The following NIPBL variants were observed in gnomAD, a reference collection of about 807,000 sequenced individuals.
NIPBL encodes the protein NIPBL cohesin loading factor, also known as nipped-B-like protein.
In NIPBL, 19 loss-of-function variants were observed where a neutral mutation model predicts 321.8. That is an observed-to-expected ratio of 0.06 (90% CI 0.04 to 0.09). The LOEUF (loss-of-function observed/expected upper bound fraction) is 0.09. Ranked by LOEUF, NIPBL falls within the 10% of genes least tolerant of loss-of-function variation. The pLI, the probability that NIPBL is intolerant of heterozygous loss-of-function variation, is 1.00. For missense variants in NIPBL, 2,210 were observed against 3,327.0 expected (o/e 0.66, Z 8.26); for synonymous variants, 1,106 against 1,114.1 (o/e 0.99, Z 0.14).
intron 18 of NIPBL, 68 bp downstream of exon 18, chr5:37,007,542 C>A: frequency 1.8e-6 from 2 of 1,109,204 alleles, no homozygotes; most frequent in Non-Finnish European, 2.7e-6. Context: ...TAACCTAGCT[C>A]ACTCAATAAT....
intron 1 of NIPBL, chr5:36,886,003 A>T (rs1355139752): frequency 2.8e-6 from 2 of 722,564 alleles, no homozygotes; most frequent in Non-Finnish European, 5.1e-6. Flanking sequence ...AAGAGGAGCT[A>T]GACAAGTACT....
intron 9 of NIPBL, among the ~76,000 whole-genome samples, chr5:36,981,808 G>A (rs893217837): frequency 6.6e-6 from 1 of 151,666 alleles, no homozygotes; most frequent in South Asian, 2.1e-4. Context: ...CAATATTCTT[G>A]CACTATAGCC....
intron 19 of NIPBL, 62 bp downstream of exon 19, chr5:37,008,150 A>G: frequency 8.7e-7 from 1 of 1,144,386 alleles, no homozygotes; most frequent in Non-Finnish European, 1.3e-6. Flanking sequence ...GATGTCATTT[A>G]ATCCAAATTT....
chr5:36,892,868 A>T (rs553304505), intron 1 of NIPBL, among the ~76,000 whole-genome samples: 1 of 152,178 alleles, frequency 6.6e-6, no homozygotes, highest in Non-Finnish European at 1.5e-5. Context: ...CAGCACACCA[A>T]CATGGCACAT....
intron 9 of NIPBL, among the ~76,000 whole-genome samples, chr5:36,979,174 G>A (rs2149633844): frequency 6.6e-6 from 1 of 151,938 alleles, no homozygotes; most frequent in South Asian, 2.1e-4. Flanking sequence ...AGATTACTTT[G>A]GGCAGTATAG....
chr5:37,003,418 C>A lies in NIPBL; in HGVS notation c.3855+71C>A, dbSNP rs1317766597. 3 of 864,370 alleles carry A rather than the reference C, an allele frequency of 3.5e-6. No homozygotes were observed. The East Asian group carries it at 7.4e-5, about 21-fold the overall frequency. 53.5% of individuals were successfully genotyped at this position (864,370 alleles called of 1,614,324 possible). A position where few individuals can be genotyped will look rare whatever the true frequency, so the allele number is the denominator to read the frequency against. On this transcript the variant is annotated intron_variant, in intron 16 of 46. Coordinates refer to ENST00000282516, the MANE Select transcript of NIPBL (RefSeq NM_133433.4). ...AGATCTATAGTAGTCCCCCACTTCT[C>A]TATTGTTTCATTTTCCATTTTCTCA...
chr5:37,026,187 A>G (rs763486592), intron 30 of NIPBL, 42 bp from the exon 31 acceptor site: 1 of 1,169,348 alleles, frequency 8.6e-7, no homozygotes, highest in Non-Finnish European at 1.3e-6. Context: ...AAATTGCCGT[A>G]TTTGTTATAA....
At chr5:37,061,523 C>T (rs1030406096) in intron 45 of NIPBL, among the ~76,000 whole-genome samples, 1 of 151,946 alleles carries the variant, frequency 6.6e-6, no homozygotes, top group African/African-American at 2.4e-5. Flanking sequence ...ATAAAAAATA[C>T]AAAAAATTAC....
intron 42 of NIPBL, among the ~76,000 whole-genome samples, chr5:37,056,974 C>T (rs1218459751): frequency 1.3e-5 from 2 of 151,622 alleles, no homozygotes; most frequent in East Asian, 3.9e-4. Context: ...TTACACCTGT[C>T]TCCCTTTCCC....
rs141528632 is a variant in NIPBL at position 36,940,248 on chromosome 5, T to G, written c.-79-13370T>G. On this transcript the variant is annotated intron_variant, in intron 1 of 46. Transcript: ENST00000282516. ...CTTGTGTGAAAAGAGAGAAATGGAT[T>G]CAAAACTAAGCAATTTTTAAGTGTG... Among the ~76,000 whole-genome samples, 196 of 152,290 alleles carry G rather than the reference T, an allele frequency of 1.3e-3. 2 individuals carry two copies. The highest frequency in any genetic ancestry group is 7.3e-3 in the East Asian group (38 of 5,180).
rs775286122 is a variant in NIPBL at position 37,038,748 on chromosome 5, G to A, written c.6108+10G>A. Reference sequence around the variant, plus strand: ...TACCACTAAATGTAGTGTAAGTATAGAGCTGTCTTATTCTTGTATCTTACA... The same window carrying A: ...TACCACTAAATGTAGTGTAAGTATAAAGCTGTCTTATTCTTGTATCTTACA... On this transcript the variant is annotated intron_variant, in intron 34 of 46. Transcript: ENST00000282516. The A allele has an allele frequency of 5.0e-6, 8 of 1,612,080 alleles. No homozygotes were observed. In the East Asian group the frequency reaches 1.8e-4, roughly 36 times the overall value.
chr5:36,891,413 G>A (rs1360644817), intron 1 of NIPBL, among the ~76,000 whole-genome samples: 1 of 152,202 alleles, frequency 6.6e-6, no homozygotes, highest in Admixed American at 6.5e-5. Flanking sequence ...ACTGGTGGTA[G>A]GGGTGGTCAC....
chr5:37,060,651 A>T (rs1754569820), intron 44 of NIPBL, among the ~76,000 whole-genome samples, 193 bp from the exon 45 acceptor site: 1 of 152,200 alleles, frequency 6.6e-6, no homozygotes, highest in African/African-American at 2.4e-5. Context: ...TGGGGGAGCA[A>T]CTAGTAGAAA....
At chr5:37,013,811 C>G (rs1748558663) in intron 21 of NIPBL, among the ~76,000 whole-genome samples, 1 of 152,230 alleles carries the variant, frequency 6.6e-6, no homozygotes, top group South Asian at 2.1e-4. Flanking sequence ...GGGTTGGCGG[C>G]CGGGCAGAGG....
chr5:37,052,617 A>G (rs1301040395), intron 42 of NIPBL, 51 bp downstream of exon 42: 2 of 1,403,640 alleles, frequency 1.4e-6, no homozygotes, highest in Non-Finnish European at 2.0e-6. Context: ...TAGAAATTTT[A>G]TGGATAAAGT....
intron 1 of NIPBL, among the ~76,000 whole-genome samples, chr5:36,952,062 G>A (rs1191980520): frequency 6.8e-5 from 9 of 132,186 alleles, no homozygotes; most frequent in South Asian, 2.4e-4. Flanking sequence ...GTGCGCGCGC[G>A]CGCGCGCGCG....
chr5:36,990,657 A>T (rs1415629112), intron 10 of NIPBL, among the ~76,000 whole-genome samples: 1 of 152,194 alleles, frequency 6.6e-6, no homozygotes, highest in Non-Finnish European at 1.5e-5. Context: ...AGCTCTTGTG[A>T]CTTTAGAGCA....
At position 36,971,795 on chromosome 5, in the gene NIPBL, A is replaced by G; in HGVS notation, c.772-150A>G. ...AATTTCAATTCTTCTAAGATATACCAAGAAGAAAACAGGAAAGTGCAGAAG... is the reference window on the plus strand; with the variant it reads ...AATTTCAATTCTTCTAAGATATACCGAGAAGAAAACAGGAAAGTGCAGAAG... On this transcript the variant is annotated intron_variant, in intron 7 of 46. Coordinates refer to ENST00000282516, the MANE Select transcript of NIPBL (RefSeq NM_133433.4). The G allele has an allele frequency of 3.4e-6, 5 of 1,453,138 alleles. No homozygotes were observed. The Admixed American group carries it at 1.0e-4, about 30-fold the overall frequency. The allele number at this position is 1,453,138 out of a possible 1,614,324, so 90.0% of individuals were successfully genotyped here.
At chr5:37,017,185 T>C (rs1402972095) in intron 24 of NIPBL, 23 bp downstream of exon 24, 2 of 1,584,374 alleles carry the variant, frequency 1.3e-6, no homozygotes, top group East Asian at 4.5e-5. Flanking sequence ...AAGATTAAAA[T>C]TATGGGAATG....
Sources: gnomAD v4.1 joint callset for allele counts (sites outside exome capture counted in the v4.1 genomes callset) on GRCh38, gnomAD v4.1.1 for gene constraint, MANE v1.5 for transcripts, NCBI Gene and HGNC (gene_info 2026-07-23, HGNC 2026-07-21) for gene names.